The following MSRA variants were observed in gnomAD, a reference collection of about 807,000 sequenced individuals.
The protein encoded by MSRA is mitochondrial peptide methionine sulfoxide reductase.
MSRA carries 54 observed loss-of-function variants against 31.3 expected under a neutral mutation model. The observed-to-expected ratio is 1.73, with a 90% confidence interval of 1.39 to 2.17. The LOEUF is 2.17. MSRA is among the 30% of genes most tolerant of loss of function. The pLI is 0.00. For synonymous variants in MSRA, 169 were observed against 116.5 expected (o/e 1.45, Z -2.90); for missense variants, 507 against 300.9 (o/e 1.69, Z -5.07).
chr8:10,306,684 C>A (rs919505698), intron 4 of MSRA, among the ~76,000 whole-genome samples: 1 of 152,150 alleles, frequency 6.6e-6, no homozygotes, highest in African/African-American at 2.4e-5. Flanking sequence ...CATGGCTGGT[C>A]TGTATCCTCC....
intron 2 of MSRA, 94 bp downstream of exon 2, chr8:10,207,995 C>G (rs991018753): frequency 2.1e-5 from 19 of 909,544 alleles, no homozygotes; most frequent in Middle Eastern, 2.8e-4. Context: ...GCTTCAAAAT[C>G]TGGGCTCTTC....
chr8:10,196,849 G>A (rs977711810), intron 1 of MSRA, among the ~76,000 whole-genome samples: 1 of 152,112 alleles, frequency 6.6e-6, no homozygotes, highest in African/African-American at 2.4e-5. Context: ...TGGGATTACA[G>A]GCATGAGCCA....
chr8:10,187,435 C>T (rs940368720), intron 1 of MSRA, among the ~76,000 whole-genome samples: 2 of 152,182 alleles, frequency 1.3e-5, no homozygotes, highest in Non-Finnish European at 2.9e-5. Flanking sequence ...GCTTCTGCCG[C>T]ATGTTGTATG....
intron 1 of MSRA, among the ~76,000 whole-genome samples, chr8:10,158,081 C>G (rs1804312732): frequency 6.6e-6 from 1 of 152,156 alleles, no homozygotes; most frequent in Non-Finnish European, 1.5e-5. Flanking sequence ...TAGATGGCAC[C>G]TTCTTACGGT....
chr8:10,235,944 C>T (rs755180274), intron 2 of MSRA, among the ~76,000 whole-genome samples: 1 of 152,066 alleles, frequency 6.6e-6, no homozygotes, highest in Admixed American at 6.6e-5. Flanking sequence ...TTAAAATGCT[C>T]TATGAGTAGG....
intron 1 of MSRA, among the ~76,000 whole-genome samples, chr8:10,139,645 A>C (rs1424286000): frequency 6.6e-6 from 1 of 152,134 alleles, no homozygotes; most frequent in Admixed American, 6.5e-5. Flanking sequence ...GAGTTATTTC[A>C]CTTAAGATAA....
At chr8:10,180,080 C>T (rs556381084) in intron 1 of MSRA, among the ~76,000 whole-genome samples, 1 of 152,264 alleles carries the variant, frequency 6.6e-6, no homozygotes, top group African/African-American at 2.4e-5. Flanking sequence ...GGACTCAGTC[C>T]TTCAAGGCTG....
At chr8:10,402,323 C>T (rs1285964146) in intron 5 of MSRA, among the ~76,000 whole-genome samples, 2 of 152,228 alleles carry the variant, frequency 1.3e-5, no homozygotes, top group African/African-American at 4.8e-5. Context: ...CCAGCTCCTG[C>T]CTGGGCAGGG....
rs535314770 is a variant in MSRA at position 10,336,285 on chromosome 8, A to T, written c.543+16296A>T. Among the ~76,000 whole-genome samples the T allele has an allele frequency of 2.6e-5, 4 of 152,270 alleles. No homozygotes were observed. In the South Asian group the frequency reaches 8.3e-4, roughly 32 times the overall value. On this transcript the variant is annotated intron_variant, in intron 5 of 5. Transcript: ENST00000317173. The stretch of plus-strand genomic sequence containing the variant: ...TACTGTGAGAAAAAAATAGGACCTG[A>T]TTGGAGGAACATTATTATGCCAGAG...
At chr8:10,414,684 C>G in intron 5 of MSRA, among the ~76,000 whole-genome samples, 1 of 152,362 alleles carries the variant, frequency 6.6e-6, no homozygotes, top group Non-Finnish European at 1.5e-5. Flanking sequence ...AAGTTCTTTT[C>G]TATTCAACCT....
chr8:10,277,727 G>T (rs1799398978), intron 3 of MSRA, among the ~76,000 whole-genome samples: 1 of 152,048 alleles, frequency 6.6e-6, no homozygotes, highest in African/African-American at 2.4e-5. Context: ...CTAATTTACG[G>T]TTCTTTGGCT....
At chr8:10,292,326 C>T (rs907082903) in intron 3 of MSRA, among the ~76,000 whole-genome samples, 1 of 152,218 alleles carries the variant, frequency 6.6e-6, no homozygotes, top group Non-Finnish European at 1.5e-5. Flanking sequence ...TCTTTATTAA[C>T]ATCACATCAC....
intron 1 of MSRA, among the ~76,000 whole-genome samples, chr8:10,129,684 T>C (rs1005750178): frequency 2.6e-5 from 4 of 152,106 alleles, no homozygotes; most frequent in Non-Finnish European, 4.4e-5. Context: ...GTTTTCTCTC[T>C]TTATTCCTCC....
At chr8:10,100,795 G>GT (rs1340541315) in intron 1 of MSRA, among the ~76,000 whole-genome samples, 3 of 152,100 alleles carry the variant, frequency 2.0e-5, no homozygotes, top group African/African-American at 7.2e-5. Context: ...TGTATTGCAC[G>GT]TTATCAGAGG....
chr8:10,427,395 T>C (rs1809244827), intron 5 of MSRA, among the ~76,000 whole-genome samples: 1 of 152,180 alleles, frequency 6.6e-6, no homozygotes, highest in African/African-American at 2.4e-5. Flanking sequence ...CTTGTGTTGA[T>C]GCGTGTCTTT....
At chr8:10,358,163 G>A (rs534570158) in intron 5 of MSRA, among the ~76,000 whole-genome samples, 18 of 152,184 alleles carry the variant, frequency 1.2e-4, no homozygotes, top group African/African-American at 3.9e-4. Flanking sequence ...TCCTGCCCCC[G>A]GGTGATCTGT....
At chr8:10,125,200 G>A (rs1351047751) in intron 1 of MSRA, among the ~76,000 whole-genome samples, 4 of 152,176 alleles carry the variant, frequency 2.6e-5, no homozygotes, top group Non-Finnish European at 5.9e-5. Flanking sequence ...GGGAGTAGGG[G>A]ACAACTTTCT....
chr8:10,106,250 C>G (rs1038141181), intron 1 of MSRA, among the ~76,000 whole-genome samples: 5 of 152,200 alleles, frequency 3.3e-5, no homozygotes, highest in African/African-American at 7.2e-5. Flanking sequence ...TTTGCTCAGT[C>G]AATTCCAGTT....
chr8:10,094,436 A>T lies in MSRA; in HGVS notation c.142+39778A>T, dbSNP rs188223914. ...GCGGAGCACACAAACTTAACTAATT[A>T]CTATGCAATTAGGATGAAGGTATCT... On this transcript the variant is annotated intron_variant, in intron 1 of 5. Transcript: ENST00000317173. Among the ~76,000 whole-genome samples the T allele has an allele frequency of 5.3e-5, 8 of 152,368 alleles. No individual in the cohort carries two copies. The East Asian group carries it at 1.5e-3, about 29-fold the overall frequency.
Sources: gnomAD v4.1 joint callset for allele counts (sites outside exome capture counted in the v4.1 genomes callset) on GRCh38, gnomAD v4.1.1 for gene constraint, MANE v1.5 for transcripts, NCBI Gene and HGNC (gene_info 2026-07-23, HGNC 2026-07-21) for gene names.